PCBP3: variants seen among roughly 807,000 people sequenced by gnomAD.
The protein encoded by PCBP3 is poly(rC) binding protein 3.
In PCBP3, 25 loss-of-function variants were observed where a neutral mutation model predicts 52.7. The observed-to-expected ratio is 0.47, with a 90% CI of 0.35 to 0.66. The LOEUF is 0.66. Among genes scored for constraint, PCBP3 ranks in the 30% least tolerant of loss-of-function variants. The pLI is 0.01. For synonymous variants in PCBP3, 162 were observed against 183.0 expected, an observed-to-expected ratio of 0.89 and a Z score of 0.93; for missense variants, 391 against 490.3, an observed-to-expected ratio of 0.80 and a Z score of 1.91.
At chr21:45,730,007 T>C (rs13050195) in intron 2 of PCBP3, among the ~76,000 whole-genome samples, 7,789 of 152,100 alleles carry the variant, frequency 0.051, 272 homozygotes, top group Non-Finnish European at 0.08. Context: ...CAAGTGATCT[T>C]CCCACTTTAG....
chr21:45,907,756 C>T (rs891480360), intron 9 of PCBP3, among the ~76,000 whole-genome samples: 4 of 149,240 alleles, frequency 2.7e-5, no homozygotes, highest in East Asian at 2.0e-4. Flanking sequence ...GCCTGGCTCT[C>T]GGGGGATGGG....
At chr21:45,665,694 A>C (rs536598659) in intron 1 of PCBP3, among the ~76,000 whole-genome samples, 1 of 152,302 alleles carries the variant, frequency 6.6e-6, no homozygotes, top group East Asian at 1.9e-4. Context: ...CAGATGTGTA[A>C]AGAAGAACCG....
Position 45,909,711 on chromosome 21 carries a change from G to A in PCBP3, c.471+225G>A, listed in dbSNP as rs187340968. On this transcript the variant is annotated intron_variant, in intron 10 of 17. Coordinates refer to ENST00000681687, the MANE Select transcript of PCBP3 (RefSeq NM_001384156.1). ...CCACCCACTGCCCAGATACGGACCC[G>A]GCCACCCACTGCCCAGATACAGACC... Among the ~76,000 whole-genome samples the A allele has an allele frequency of 8.1e-3, 790 of 97,698 alleles. 9 individuals are homozygous for A. The highest frequency in any genetic ancestry group is 0.028 in the African/African-American group (749 of 26,556). The allele number at this position is 97,698 out of a possible 152,430, so 64.1% of individuals were successfully genotyped here.
At chr21:45,690,622 A>G (rs2082404601) in intron 2 of PCBP3, among the ~76,000 whole-genome samples, 1 of 152,132 alleles carries the variant, frequency 6.6e-6, no homozygotes, top group Non-Finnish European at 1.5e-5. Context: ...GCTCAATAAT[A>G]AGGAAACAAC....
intron 1 of PCBP3, among the ~76,000 whole-genome samples, chr21:45,661,378 C>G (rs1386680769): frequency 6.6e-6 from 1 of 152,070 alleles, no homozygotes; most frequent in African/African-American, 2.4e-5. Context: ...TATTACTTAG[C>G]TCCCATATTC....
At chr21:45,869,965 T>A (rs1038762920) in intron 5 of PCBP3, among the ~76,000 whole-genome samples, 1 of 152,270 alleles carries the variant, frequency 6.6e-6, no homozygotes, top group Non-Finnish European at 1.5e-5. Context: ...CGGATTTTTT[T>A]AGCTGTTAGT....
intron 2 of PCBP3, among the ~76,000 whole-genome samples, chr21:45,729,470 A>G (rs1352648224): frequency 6.6e-6 from 1 of 152,202 alleles, no homozygotes; most frequent in African/African-American, 2.4e-5. Context: ...AGGAACTGCC[A>G]GACTGTTTTC....
In PCBP3 at chr21:45,755,565, G is replaced by A. The variant is rs561925160; in HGVS notation, c.-126+113G>A. On this transcript the variant is annotated intron_variant, in intron 4 of 17. Coordinates refer to ENST00000681687, the MANE Select transcript of PCBP3 (RefSeq NM_001384156.1). ...GTGCATGAGAGTTCCTGTTGCTTGT[G>A]AAATAAATGGTCAGCATTCAGTGTT... Among the ~76,000 whole-genome samples, 43 of 152,294 alleles carry A rather than the reference G, an allele frequency of 2.8e-4. 1 individual carries two copies. The highest frequency in any genetic ancestry group is 1.0e-3 in the African/African-American group (42 of 41,572).
intron 9 of PCBP3, among the ~76,000 whole-genome samples, chr21:45,907,878 G>T (rs547312597): frequency 4.7e-4 from 71 of 150,048 alleles, no homozygotes; most frequent in African/African-American, 1.7e-3. Flanking sequence ...CTGGGCAGGG[G>T]CAGTGGGAGG....
chr21:45,809,539 G>A (rs921530381), intron 4 of PCBP3, among the ~76,000 whole-genome samples: 9 of 152,190 alleles, frequency 5.9e-5, no homozygotes, highest in Admixed American at 6.5e-5. Flanking sequence ...CGGCTGCTGC[G>A]TGGGGAGCAC....
intron 16 of PCBP3, among the ~76,000 whole-genome samples, chr21:45,936,164 G>A (rs2076871696): frequency 6.6e-6 from 1 of 152,228 alleles, no homozygotes; most frequent in Non-Finnish European, 1.5e-5. Context: ...TTGACCATAG[G>A]AAGCACAGAT....
At chr21:45,898,362 T>C (rs13050087) in intron 6 of PCBP3, among the ~76,000 whole-genome samples, 19,337 of 39,152 alleles carry the variant, frequency 0.49, 4,536 homozygotes, top group Middle Eastern at 0.59. Context: ...ATCCTCATGG[T>C]CTCCCTCTGC....
At chr21:45,676,070 G>A (rs1050603594) in intron 2 of PCBP3, among the ~76,000 whole-genome samples, 8 of 152,188 alleles carry the variant, frequency 5.3e-5, no homozygotes, top group African/African-American at 1.9e-4. Context: ...AAAAGCACTT[G>A]TGCTTTTTTT....
intron 4 of PCBP3, among the ~76,000 whole-genome samples, chr21:45,845,465 AC>A (rs1484208533): frequency 7.0e-6 from 1 of 143,642 alleles, no homozygotes; most frequent in Non-Finnish European, 1.5e-5. Flanking sequence ...GTGTGCCTTC[AC>A]CTGTGTATGT....
intron 4 of PCBP3, among the ~76,000 whole-genome samples, chr21:45,769,919 A>T (rs1418480013): frequency 6.6e-6 from 1 of 152,252 alleles, no homozygotes; most frequent in African/African-American, 2.4e-5. Context: ...ACACTTTATT[A>T]TTGAGTCTGT....
At chr21:45,847,157 T>G (rs1569302927) in intron 4 of PCBP3, among the ~76,000 whole-genome samples, 1 of 152,222 alleles carries the variant, frequency 6.6e-6, no homozygotes, top group African/African-American at 2.4e-5. Context: ...TTCTGCTGGC[T>G]ACTGTTATAA....
At chr21:45,869,694 C>G (rs911309872) in intron 5 of PCBP3, among the ~76,000 whole-genome samples, 1 of 125,608 alleles carries the variant, frequency 8.0e-6, no homozygotes, top group Non-Finnish European at 1.8e-5. Context: ...GGTGTGGAGA[C>G]CTCGGTGGAC....
intron 3 of PCBP3, among the ~76,000 whole-genome samples, chr21:45,747,770 G>C (rs1759685114): frequency 6.6e-6 from 1 of 152,260 alleles, no homozygotes; most frequent in African/African-American, 2.4e-5. Context: ...CACCTCTCGA[G>C]GGAGGACAGA....
At chr21:45,747,184 A>G (rs937921160) in intron 3 of PCBP3, among the ~76,000 whole-genome samples, 4 of 152,228 alleles carry the variant, frequency 2.6e-5, no homozygotes, top group South Asian at 2.1e-4. Flanking sequence ...GCAAGAGAGC[A>G]TGTGCGAGGG....
Sources: allele counts gnomAD v4.1 joint callset (sites outside exome capture counted in the v4.1 genomes callset), GRCh38; gene constraint gnomAD v4.1.1; transcripts MANE v1.5; gene names NCBI Gene and HGNC (gene_info 2026-07-23, HGNC 2026-07-21).